The following ZNF718 variants were observed in gnomAD, a reference collection of about 807,000 sequenced individuals.
ZNF718 encodes zinc finger protein 718.
A neutral mutation model predicts 2.6 loss-of-function variants in ZNF718; 3 were observed. That is an observed-to-expected ratio of 1.16 (90% CI 0.53 to 3.01). The LOEUF (loss-of-function observed/expected upper bound fraction) is 3.01, where lower values mean the gene tolerates loss of function less well. Among genes scored for constraint, ZNF718 ranks in the 30% most tolerant of loss-of-function variants. ZNF718 has a pLI of 0.03. For missense variants in ZNF718, 468 were observed against 230.0 expected (o/e 2.03, Z -6.69); for synonymous variants, 135 against 77.9 (o/e 1.73, Z -3.86).
At chr4:168,608 C>A (rs1256663537), downstream of ZNF718, among the ~76,000 whole-genome samples, 1 of 152,110 alleles carries the variant, frequency 6.6e-6, no homozygotes, top group Non-Finnish European at 1.5e-5. Context: ...GGAATTTATC[C>A]ATTTCTTCTA....
chr4:164,569 A>T (rs1717043498), downstream of ZNF718, among the ~76,000 whole-genome samples: 5 of 152,096 alleles, frequency 3.3e-5, no homozygotes, highest in Admixed American at 3.3e-4. Flanking sequence ...TAACTTCATT[A>T]AGTATTTATT....
At chr4:155,218 G>C (rs1183977806) in intron 3 of ZNF718, among the ~76,000 whole-genome samples, 10 of 152,238 alleles carry the variant, frequency 6.6e-5, no homozygotes, top group Non-Finnish European at 1.2e-4. Context: ...GGGCAGTGCA[G>C]AAGGGAAATG....
chr4:146,385 G>A (rs1327557808), intron 3 of ZNF718, among the ~76,000 whole-genome samples: 2 of 151,956 alleles, frequency 1.3e-5, no homozygotes, highest in Non-Finnish European at 2.9e-5. Context: ...CATGGTTTCT[G>A]CTGAGCAATT....
At chr4:174,862 CTAGGGATA>C (rs1438864241) in intron 3 of ZNF718, among the ~76,000 whole-genome samples, 11 of 152,132 alleles carry the variant, frequency 7.2e-5, no homozygotes, top group Admixed American at 2.6e-4. Context: ...GGCAAAAGCC[CTAGGGATA>C]AAATACTTTT....
chr4:197,842 G>A (rs1717822893), intron 3 of ZNF718, among the ~76,000 whole-genome samples: 1 of 152,190 alleles, frequency 6.6e-6, no homozygotes, highest in Non-Finnish European at 1.5e-5. Context: ...GATCCTGGGG[G>A]CTTCTGATCA....
At chr4:148,566 G>A (rs1220380845) in intron 3 of ZNF718, among the ~76,000 whole-genome samples, 5 of 140,880 alleles carry the variant, frequency 3.5e-5, no homozygotes, top group South Asian at 2.2e-4. Flanking sequence ...CAAATATCAC[G>A]CCATTGCACT....
chr4:154,266 G>T (rs1316105714), intron 3 of ZNF718, among the ~76,000 whole-genome samples: 2 of 152,150 alleles, frequency 1.3e-5, no homozygotes, highest in Non-Finnish European at 2.9e-5. Context: ...TATCAGCAGT[G>T]TGAAAATGGA....
At chr4:137,284 A>G (rs1553809459) in intron 3 of ZNF718, among the ~76,000 whole-genome samples, 3 of 152,248 alleles carry the variant, frequency 2.0e-5, no homozygotes. Context: ...TAGCAATGCA[A>G]GAATAAACTA....
chr4:156,009 T>A (rs1412822780), intron 3 of ZNF718, among the ~76,000 whole-genome samples: 1 of 152,150 alleles, frequency 6.6e-6, no homozygotes, highest in African/African-American at 2.4e-5. Flanking sequence ...GGTTTCCCCA[T>A]TTGTTTGGTT....
At chr4:200,796 G>A (rs1412364962) in intron 3 of ZNF718, among the ~76,000 whole-genome samples, 1 of 152,038 alleles carries the variant, frequency 6.6e-6, no homozygotes, top group Non-Finnish European at 1.5e-5. Flanking sequence ...CAAAAGGAAA[G>A]GCTATTAACA....
At chr4:159,908 C>T (rs1227889148) in intron 3 of ZNF718, among the ~76,000 whole-genome samples, 2 of 152,178 alleles carry the variant, frequency 1.3e-5, no homozygotes, top group African/African-American at 4.8e-5. Context: ...GCCTTGTCCT[C>T]ACATAGTCTG....
At chr4:135,321 G>C (rs1715513649) in intron 3 of ZNF718, among the ~76,000 whole-genome samples, 1 of 151,628 alleles carries the variant, frequency 6.6e-6, no homozygotes, top group African/African-American at 2.4e-5. Flanking sequence ...TTGATGACGT[G>C]TGCCCAAGGT....
intron 3 of ZNF718, among the ~76,000 whole-genome samples, chr4:147,645 C>T (rs564003022): frequency 6.6e-6 from 1 of 152,076 alleles, no homozygotes; most frequent in African/African-American, 2.4e-5. Context: ...AGGTGAATTG[C>T]CTCAGCTCAG....
chr4:158,179 T>G (rs1716661711), intron 3 of ZNF718, among the ~76,000 whole-genome samples: 1 of 152,170 alleles, frequency 6.6e-6, no homozygotes. Context: ...ATGCACTTTG[T>G]GTAATATAAT....
At chr4:139,831 C>T (rs534704667) in intron 3 of ZNF718, among the ~76,000 whole-genome samples, 2 of 152,290 alleles carry the variant, frequency 1.3e-5, no homozygotes, top group South Asian at 2.1e-4. Flanking sequence ...GTGGGCAGCA[C>T]CTAAACGTGG....
At position 129,772 on chromosome 4, in the gene ZNF718, G is replaced by A. The variant is rs1250505261; in HGVS notation, c.4-1016G>A. Among the ~76,000 whole-genome samples the A allele has an allele frequency of 3.1e-5, 2 of 64,538 alleles. 1 individual carries two copies. The highest frequency in any genetic ancestry group is 1.1e-4 in the African/African-American group (2 of 18,410). 42.3% of individuals were successfully genotyped at this position (64,538 alleles called of 152,430 possible). ...TCTCTATATTGAGCTATTATTCTAC[G>A]CATTTAAAAAAAAAAACAATGATAA... On this transcript the variant is annotated intron_variant, in intron 1 of 3. Coordinates refer to ENST00000510175, the MANE Select transcript of ZNF718 (RefSeq NM_001039127.6).
chr4:148,880 C>G (rs1478141277), intron 3 of ZNF718, among the ~76,000 whole-genome samples: 3 of 152,110 alleles, frequency 2.0e-5, no homozygotes, highest in East Asian at 3.9e-4. Flanking sequence ...ACCAAATGAT[C>G]TATAGCTATG....
chr4:197,398 C>G (rs1216782350), intron 3 of ZNF718, among the ~76,000 whole-genome samples: 2 of 152,088 alleles, frequency 1.3e-5, no homozygotes, highest in African/African-American at 4.8e-5. Context: ...AACTGGAACA[C>G]AGGACTCTCA....
At chr4:195,003 T>A (rs1717763931) in intron 3 of ZNF718, among the ~76,000 whole-genome samples, 1 of 152,204 alleles carries the variant, frequency 6.6e-6, no homozygotes, top group Non-Finnish European at 1.5e-5. Context: ...CCTGCCTTTC[T>A]TGACCACAAA....
Sources: gnomAD v4.1 joint callset for allele counts (sites outside exome capture counted in the v4.1 genomes callset) on GRCh38, gnomAD v4.1.1 for gene constraint, MANE v1.5 for transcripts, NCBI Gene and HGNC (gene_info 2026-07-23, HGNC 2026-07-21) for gene names.